EIF1AD: variants seen among roughly 807,000 people sequenced by gnomAD.
The protein encoded by EIF1AD is eukaryotic translation initiation factor 1A domain containing, also known as probable RNA-binding protein EIF1AD.
In EIF1AD, 9 loss-of-function variants were observed where a neutral mutation model predicts 21.7. The ratio of observed to expected loss-of-function variants is 0.41; its 90% CI spans 0.25 to 0.72. The LOEUF is 0.72. EIF1AD is among the 30% of genes least tolerant of loss of function. The pLI is 0.29. For missense variants in EIF1AD, 164 were observed against 199.7 expected, an observed-to-expected ratio of 0.82 and a Z score of 1.08; for synonymous variants, 78 against 70.9, an observed-to-expected ratio of 1.10 and a Z score of -0.50.
Position 65,997,870 on chromosome 11 carries a change from A to T in EIF1AD, c.*729T>A, listed in dbSNP as rs1433870745. 1 of 152,300 alleles carries T rather than the reference A, an allele frequency of 6.6e-6. No homozygotes were observed. Among genetic ancestry groups the T allele is most frequent in the Non-Finnish European group, 1.5e-5 (1 of 68,080 alleles). The allele number at this position is 152,300 out of a possible 1,614,324, so 9.4% of individuals were successfully genotyped here. On this transcript the variant is annotated 3_prime_UTR_variant, in exon 6 of 6. Transcript: ENST00000533544. ...AAAAGCAGCCTCTATTTAAAAGGTT[A>T]TAAGACAATCAATGTCCTCAGGGAA...
Position 65,997,886 on chromosome 11 carries a change from C to G in EIF1AD, c.*713G>C, listed in dbSNP as rs778883708. 1.3e-5 allele frequency: 2 copies of G among 152,146 alleles called. No individual in the cohort carries two copies. The highest frequency in any genetic ancestry group is 6.6e-5 in the Admixed American group (1 of 15,260). The allele number at this position is 152,146 out of a possible 1,614,324, so 9.4% of individuals were successfully genotyped here. ...TAAAAGGTTATAAGACAATCAATGT[C>G]CTCAGGGAATAATCAGGTTTCAAAT... On this transcript the variant is annotated 3_prime_UTR_variant, in exon 6 of 6. Transcript: ENST00000533544.
At chr11:65,998,771 G>T in intron 5 of EIF1AD, 28 bp from the exon 6 acceptor site, 1 of 1,601,528 alleles carries the variant, frequency 6.2e-7, no homozygotes, top group Non-Finnish European at 8.5e-7. Context: ...AGCAGGGTTA[G>T]CCCAGCGCCT....
chr11:65,999,356 CTGT>C lies in EIF1AD; in HGVS notation c.344_346del (p.Asn115del), dbSNP rs757432033. On this transcript the variant is annotated inframe_deletion, in exon 5 of 6. Coordinates refer to ENST00000533544, the MANE Select transcript of EIF1AD (RefSeq NM_001242481.2). Reference sequence around the variant, plus strand: ...CCCAAGGCTTGTTCCTCACCTGTTCCTGTTGTTGTGTTTCTCAGCCACTTCAGA... The same window carrying C: ...CCCAAGGCTTGTTCCTCACCTGTTCCTGTTGTGTTTCTCAGCCACTTCAGA... The C allele has an allele frequency of 1.5e-5, 24 of 1,614,126 alleles. No homozygotes were observed. The African/African-American group carries it at 2.5e-4, about 17-fold the overall frequency.
In EIF1AD at chr11:65,998,495, G is replaced by T; in HGVS notation, c.*104C>A. 1 of 1,399,836 alleles carries T rather than the reference G, an allele frequency of 7.1e-7. No homozygotes were observed. The highest frequency in any genetic ancestry group is 9.7e-7 in the Non-Finnish European group (1 of 1,027,038). 86.7% of individuals were successfully genotyped at this position (1,399,836 alleles called of 1,614,324 possible). On this transcript the variant is annotated 3_prime_UTR_variant, in exon 6 of 6. Coordinates refer to ENST00000533544, the MANE Select transcript of EIF1AD (RefSeq NM_001242481.2). The stretch of plus-strand genomic sequence containing the variant: ...TCAGTTCAGAGAGGAGCCCTGCTTT[G>T]TCCTCATGCAGGGGTGAAGATGTGC...
chr11:65,999,247 G>A (rs1855842093), intron 5 of EIF1AD, 103 bp downstream of exon 5: 1 of 1,481,674 alleles, frequency 6.7e-7, no homozygotes, highest in Non-Finnish European at 9.4e-7. Context: ...GCTCTCAACA[G>A]ATACCCTATG....
chr11:65,999,779 C>T, intron 3 of EIF1AD, 104 bp from the exon 4 acceptor site: 1 of 799,990 alleles, frequency 1.3e-6, no homozygotes, highest in Non-Finnish European at 2.0e-6. Context: ...CCTCTCTCAC[C>T]TCTCTCTTTT....
chr11:66,000,014 C>A (rs1457552269), intron 3 of EIF1AD, 39 bp downstream of exon 3: 1 of 1,501,926 alleles, frequency 6.7e-7, no homozygotes, highest in Non-Finnish European at 9.3e-7. Flanking sequence ...CCCATCTCAG[C>A]CTCTCAAAGT....
chr11:65,996,587 A>G lies in EIF1AD; in HGVS notation c.*2012T>C, dbSNP rs1394995118. On this transcript the variant is annotated 3_prime_UTR_variant, in exon 6 of 6. Transcript: ENST00000533544. ...GTTTATTTTTTGTATATACATCTAC[A>G]TACATTTTATACATTATATTCATAT... The G allele has an allele frequency of 6.6e-6, 1 of 152,108 alleles. No individual in the cohort carries two copies. Among genetic ancestry groups the G allele is most frequent in the Non-Finnish European group, 1.5e-5 (1 of 68,028 alleles). 9.4% of individuals were successfully genotyped at this position (152,108 alleles called of 1,614,324 possible).
intron 4 of EIF1AD, 53 bp downstream of exon 4, chr11:65,999,514 G>C: frequency 1.3e-6 from 2 of 1,594,118 alleles, no homozygotes; most frequent in East Asian, 2.2e-5. Context: ...TCCCAAGCTA[G>C]GAAGGCAATG....
chr11:66,000,213 C>G (rs377089346), intron 2 of EIF1AD, 52 bp from the exon 3 acceptor site: 1 of 1,606,580 alleles, frequency 6.2e-7, no homozygotes, highest in African/African-American at 1.3e-5. Context: ...CAAACACCCT[C>G]TCAGACACGC....
In EIF1AD at chr11:66,000,419, G is replaced by A. The variant is rs1167613988; in HGVS notation, c.-30C>T. On this transcript the variant is annotated 5_prime_UTR_variant, in exon 2 of 6. Coordinates refer to ENST00000533544, the MANE Select transcript of EIF1AD (RefSeq NM_001242481.2). ...AAGTCGTCCCACACTGGTTAGGAAC[G>A]AAGAGACTGTCAACTCCTCCTCCTG... 19 of 1,575,006 alleles carry A rather than the reference G, an allele frequency of 1.2e-5. No homozygotes were observed. Among genetic ancestry groups the A allele is most frequent in the African/African-American group, 5.4e-5 (4 of 73,820 alleles).
In EIF1AD at chr11:65,998,249, G is replaced by C. The variant is rs1052328513; in HGVS notation, c.*350C>G. 2 of 178,728 alleles carry C rather than the reference G, an allele frequency of 1.1e-5. No individual in the cohort carries two copies. The highest frequency in any genetic ancestry group is 2.4e-5 in the Non-Finnish European group (2 of 84,302). The allele number at this position is 178,728 out of a possible 1,614,324, so 11.1% of individuals were successfully genotyped here. A position where few individuals can be genotyped will look rare whatever the true frequency, so the allele number is the denominator to read the frequency against. Reference sequence around the variant, plus strand: ...ACACATGCAAGAAGGCCCAGAGCACGGCCTGGCACTTTCTAAGTGCCCAAT... The same window carrying C: ...ACACATGCAAGAAGGCCCAGAGCACCGCCTGGCACTTTCTAAGTGCCCAAT... On this transcript the variant is annotated 3_prime_UTR_variant, in exon 6 of 6. Coordinates refer to ENST00000533544, the MANE Select transcript of EIF1AD (RefSeq NM_001242481.2).
intron 5 of EIF1AD, 41 bp downstream of exon 5, chr11:65,999,309 C>A (rs748883223): frequency 6.2e-7 from 1 of 1,614,012 alleles, no homozygotes; most frequent in African/African-American, 1.3e-5. Context: ...AGCATGAACC[C>A]CTTATTTTCC....
At position 65,998,652 on chromosome 11, in the gene EIF1AD, G is replaced by A. The variant is rs77509939; in HGVS notation, c.445C>T (p.Arg149Cys). Reference sequence around the variant, plus strand: ...TCCTCACTCTCATGATACTGTCTGCGGTTTGTGTTAACAAACAGGTCAGAA... The same window carrying A: ...TCCTCACTCTCATGATACTGTCTGCAGTTTGTGTTAACAAACAGGTCAGAA... Reference protein sequence around the residue: ...DDSDLFVNTNRRQYHESEEES... With the variant: ...DDSDLFVNTNCRQYHESEEES... Residue 149 changes from arginine (R) to cysteine (C), a missense_variant, in exon 6 of 6, where the codon CGC becomes TGC. Coordinates refer to ENST00000533544, the MANE Select transcript of EIF1AD (RefSeq NM_001242481.2). 49 of 1,614,082 alleles carry A rather than the reference G, an allele frequency of 3.0e-5. 1 individual carries two copies. The Middle Eastern group carries it at 5.0e-4, about 16-fold the overall frequency.
chr11:65,997,951 G>T lies in EIF1AD; in HGVS notation c.*648C>A. 6.6e-6 allele frequency: 1 copy of T among 152,516 alleles called. No individual in the cohort carries two copies. Among genetic ancestry groups the T allele is most frequent in the Non-Finnish European group, 1.5e-5 (1 of 68,180 alleles). 9.4% of individuals were successfully genotyped at this position (152,516 alleles called of 1,614,324 possible). On this transcript the variant is annotated 3_prime_UTR_variant, in exon 6 of 6. Coordinates refer to ENST00000533544, the MANE Select transcript of EIF1AD (RefSeq NM_001242481.2). ...GATGGACCATTCAAAACAAAGTTAA[G>T]GATAGAGAGATTTGCCAGCCACCTT...
Position 66,001,192 on chromosome 11 carries a change from G to A in EIF1AD, c.-116-687C>T, listed in dbSNP as rs140635304. On this transcript the variant is annotated intron_variant, in intron 1 of 5. Transcript: ENST00000533544. The stretch of plus-strand genomic sequence containing the variant: ...ATGCATGTCATGTAAAAGTAACTCC[G>A]GCCGGGCGCGGTGGCTCACGCCTGT... Among the ~76,000 whole-genome samples the A allele has an allele frequency of 3.2e-3, 485 of 152,242 alleles. 4 individuals are homozygous for A. The highest frequency in any genetic ancestry group is 0.011 in the African/African-American group (447 of 41,534).
rs1206281259 is a variant in EIF1AD, at chr11:65,999,937, A to G, written c.196+116T>C. 3 of 807,384 alleles carry G rather than the reference A, an allele frequency of 3.7e-6. No homozygotes were observed. The African/African-American group carries it at 5.1e-5, about 14-fold the overall frequency. 50.0% of individuals were successfully genotyped at this position (807,384 alleles called of 1,614,324 possible). ...AGCTGGGATCACAGGCACGTGCCCA[A>G]CTAATTTTTTTCTTTTTGTAGAGAC... On this transcript the variant is annotated intron_variant, in intron 3 of 5. Coordinates refer to ENST00000533544, the MANE Select transcript of EIF1AD (RefSeq NM_001242481.2).
Position 65,997,745 on chromosome 11 carries a change from G to C in EIF1AD, c.*854C>G, listed in dbSNP as rs901716296. On this transcript the variant is annotated 3_prime_UTR_variant, in exon 6 of 6. Coordinates refer to ENST00000533544, the MANE Select transcript of EIF1AD (RefSeq NM_001242481.2). The stretch of plus-strand genomic sequence containing the variant: ...GAATGGAGGGAGACAGAGGGGTGTA[G>C]GGTGGACTACGGAATTGATGCTACA... 1.3e-5 allele frequency: 2 copies of C among 152,300 alleles called. No individual in the cohort carries two copies. Among genetic ancestry groups the C allele is most frequent in the African/African-American group, 4.8e-5 (2 of 41,444 alleles). The allele number at this position is 152,300 out of a possible 1,614,324, so 9.4% of individuals were successfully genotyped here. A position where few individuals can be genotyped will look rare whatever the true frequency, so the allele number is the denominator to read the frequency against.
intron 1 of EIF1AD, among the ~76,000 whole-genome samples, chr11:66,000,908 T>C (rs1855924954): frequency 6.6e-6 from 1 of 152,106 alleles, no homozygotes; most frequent in Non-Finnish European, 1.5e-5. Flanking sequence ...CTGTAAAACT[T>C]TTTGTTCTGT....
Sources: gnomAD v4.1 joint callset for allele counts (sites outside exome capture counted in the v4.1 genomes callset) on GRCh38, gnomAD v4.1.1 for gene constraint, MANE v1.5 for transcripts, NCBI Gene and HGNC (gene_info 2026-07-23, HGNC 2026-07-21) for gene names.